Variants in BUB1 observed in about 807,000 individuals in gnomAD.
The protein encoded by BUB1 is BUB1 mitotic checkpoint serine/threonine kinase.
BUB1 carries 84 observed loss-of-function variants against 135.2 expected under a neutral mutation model. The observed-to-expected ratio is 0.62, with a 90% CI of 0.52 to 0.74. The LOEUF (loss-of-function observed/expected upper bound fraction) is 0.74. BUB1 is among the 30% of genes least tolerant of loss of function. The probability of loss-of-function intolerance (pLI) is 0.00; values close to 1 mark genes in which losing one functional copy is unlikely to be tolerated. For missense variants in BUB1, 1,162 were observed against 1,288.3 expected, an observed-to-expected ratio of 0.90 and a Z score of 1.50; for synonymous variants, 403 against 434.4, an observed-to-expected ratio of 0.93 and a Z score of 0.90.
At chr2:110,664,874 C>T (rs535385070) in intron 9 of BUB1, among the ~76,000 whole-genome samples, 1 of 152,254 alleles carries the variant, frequency 6.6e-6, no homozygotes, top group African/African-American at 2.4e-5. Context: ...TCCAAATCTA[C>T]CTATAATTAA....
intron 3 of BUB1, 131 bp downstream of exon 3, chr2:110,673,955 A>C: frequency 1.3e-6 from 1 of 769,448 alleles, no homozygotes. Flanking sequence ...GAGAATGAAC[A>C]GATTTTCCTC....
intron 19 of BUB1, among the ~76,000 whole-genome samples, chr2:110,647,172 C>T (rs780601872): frequency 5.3e-5 from 8 of 152,144 alleles, no homozygotes; most frequent in Non-Finnish European, 8.8e-5. Flanking sequence ...GGGAATACTT[C>T]CTATCTCATC....
At chr2:110,658,360 G>A in intron 13 of BUB1, 50 bp downstream of exon 13, 2 of 1,436,290 alleles carry the variant, frequency 1.4e-6, no homozygotes, top group Non-Finnish European at 1.9e-6. Context: ...TATTTTCTGT[G>A]ATAACCACCT....
At chr2:110,651,401 T>G (rs1380462961) in intron 17 of BUB1, among the ~76,000 whole-genome samples, 1 of 152,136 alleles carries the variant, frequency 6.6e-6, no homozygotes, top group Non-Finnish European at 1.5e-5. Context: ...AAAAAAAAAT[T>G]TTTTTAATGC....
At chr2:110,653,218 C>G (rs573189939) in intron 17 of BUB1, among the ~76,000 whole-genome samples, 1 of 152,144 alleles carries the variant, frequency 6.6e-6, no homozygotes, top group Non-Finnish European at 1.5e-5. Flanking sequence ...CATCAAGCAC[C>G]GGCCTGATGT....
In BUB1 at chr2:110,658,417, CTG is replaced by C. The variant is rs1333377859; in HGVS notation, c.1507_1508del (p.Gln503ValfsTer15). The C allele has an allele frequency of 1.3e-5, 21 of 1,610,550 alleles. No individual in the cohort carries two copies. The highest frequency in any genetic ancestry group is 1.6e-5 in the Non-Finnish European group (19 of 1,177,654). ...CTTTTAAATAGTTATTACTTTGAAA[CTG>C]GGCTTCAAATGCATCTTCATTTTGA... ...LDQNEDAFEA[Q>X]FQKNVRSSGA... On this transcript the variant is annotated frameshift_variant, in exon 13 of 25. Coordinates refer to ENST00000302759, the MANE Select transcript of BUB1 (RefSeq NM_004336.5). LOFTEE classifies it high-confidence loss of function.
intron 1 of BUB1, among the ~76,000 whole-genome samples, chr2:110,677,029 C>T (rs1319569215): frequency 6.6e-6 from 1 of 152,114 alleles, no homozygotes; most frequent in Admixed American, 6.5e-5. Context: ...AGTAGGCTCG[C>T]CCAAGGTAAA....
In BUB1 at chr2:110,637,974, G is replaced by T; in HGVS notation, c.3248C>A (p.Ser1083Ter). 1 of 1,487,152 alleles carries T rather than the reference G, an allele frequency of 6.7e-7. No individual in the cohort carries two copies. Among genetic ancestry groups the T allele is most frequent in the Non-Finnish European group, 9.0e-7 (1 of 1,113,970 alleles). 92.1% of individuals were successfully genotyped at this position (1,487,152 alleles called of 1,614,324 possible). A position where few individuals can be genotyped will look rare whatever the true frequency, so the allele number is the denominator to read the frequency against. ...LIVLLLECKR[S>*]RK The stretch of plus-strand genomic sequence containing the variant: ...GTCTATATCCAAATTTTATTTTCGT[G>T]AACGCTTACATTCTAAGAGCAGTAC... Residue 1083 changes from serine to a stop codon, truncating the protein, a stop_gained, in exon 25 of 25, where the codon TCA becomes TAA. Transcript: ENST00000302759. LOFTEE classifies it high-confidence loss of function.
At chr2:110,662,807 A>G (rs911418254) in intron 9 of BUB1, among the ~76,000 whole-genome samples, 5 of 152,172 alleles carry the variant, frequency 3.3e-5, no homozygotes, top group Admixed American at 1.3e-4. Flanking sequence ...GCCTCAAAAC[A>G]CAAACAAACA....
chr2:110,641,380 T>C lies in BUB1; in HGVS notation c.2710A>G (p.Met904Val), dbSNP rs1402332194. The change falls in exon 22 of 25, where the codon ATG (methionine) becomes GTG (valine). Residue 904 changes from methionine to valine, a missense_variant. Transcript: ENST00000302759. ...VISFAMRMLYMIEQVHDCEII... is the reference protein window; with the variant it reads ...VISFAMRMLYVIEQVHDCEII... ...TCACAGTCATGCACTTGCTCAATCA[T>C]GTAAAGCATTCTCATAGCAAAAGAG... is the stretch of plus-strand genomic sequence containing the variant. 7 of 1,613,998 alleles carry C rather than the reference T, an allele frequency of 4.3e-6. No individual in the cohort carries two copies. Among genetic ancestry groups the C allele is most frequent in the Non-Finnish European group, 5.9e-6 (7 of 1,180,018 alleles).
At chr2:110,673,969 G>A (rs967455095) in intron 3 of BUB1, 117 bp downstream of exon 3, 5 of 849,074 alleles carry the variant, frequency 5.9e-6, no homozygotes, top group Non-Finnish European at 8.9e-6. Context: ...TTTCCTCTCT[G>A]TATCTTCAGA....
Position 110,658,463 on chromosome 2 carries a change from T to A in BUB1, c.1463A>T (p.Asp488Val), listed in dbSNP as rs1230784384. 6.2e-7 allele frequency: 1 copy of A among 1,614,122 alleles called. No individual in the cohort carries two copies. Among genetic ancestry groups the A allele is most frequent in the Non-Finnish European group, 8.5e-7 (1 of 1,180,000 alleles). ...ATTTTGATCTAGAGATTGCCATTCATCTTTGTCATCAGAAATATCAGGAAG... is the reference window on the plus strand; with the variant it reads ...ATTTTGATCTAGAGATTGCCATTCAACTTTGTCATCAGAAATATCAGGAAG... ...PTLPDISDDKDEWQSLDQNED... is the reference protein window; with the variant it reads ...PTLPDISDDKVEWQSLDQNED... The change falls in exon 13 of 25, where the codon GAT (aspartate) becomes GTT (valine). Residue 488 changes from aspartate to valine, a missense_variant. Transcript: ENST00000302759.
chr2:110,666,624 TA>T lies in BUB1; in HGVS notation c.806-211del, dbSNP rs398060452. ...TACATGTTTAGGACATGTAAATTAC[TA>T]AAAAAAAAAAAAAACTACATGCTGA... On this transcript the variant is annotated intron_variant, in intron 8 of 24. Coordinates refer to ENST00000302759, the MANE Select transcript of BUB1 (RefSeq NM_004336.5). 7.4e-3 allele frequency among the ~76,000 whole-genome samples: 898 copies of T among 120,752 alleles called. 23 individuals are homozygous for T. Among genetic ancestry groups the T allele is most frequent in the Admixed American group, 0.047 (566 of 12,030 alleles). 79.2% of individuals were successfully genotyped at this position (120,752 alleles called of 152,430 possible).
chr2:110,639,343 C>G (rs1689438538), intron 24 of BUB1, among the ~76,000 whole-genome samples: 1 of 150,264 alleles, frequency 6.7e-6, no homozygotes, highest in African/African-American at 2.5e-5. Flanking sequence ...ACACTATTTC[C>G]TTCGCTTCTT....
intron 5 of BUB1, among the ~76,000 whole-genome samples, chr2:110,670,131 T>G (rs925299030): frequency 2.1e-5 from 3 of 140,002 alleles, no homozygotes; most frequent in Non-Finnish European, 4.7e-5. Context: ...GATGGGTTTT[T>G]TTTTTTTTTT....
Position 110,653,302 on chromosome 2 carries a change from A to C in BUB1, c.1964+134T>G, listed in dbSNP as rs1689831813. 3 of 825,356 alleles carry C rather than the reference A, an allele frequency of 3.6e-6. No homozygotes were observed. In the East Asian group the frequency reaches 8.0e-5, roughly 22 times the overall value. 51.1% of individuals were successfully genotyped at this position (825,356 alleles called of 1,614,324 possible). ...TCTGACTTAAAGCTACTAGTCCATAAAATCTTTATTGGCCTTTAAGGCTAA... is the reference window on the plus strand; with the variant it reads ...TCTGACTTAAAGCTACTAGTCCATACAATCTTTATTGGCCTTTAAGGCTAA... On this transcript the variant is annotated intron_variant, in intron 17 of 24. Transcript: ENST00000302759.
chr2:110,638,125 G>C lies in BUB1; in HGVS notation c.3097C>G (p.His1033Asp), dbSNP rs1417718503. 7 of 1,597,440 alleles carry C rather than the reference G, an allele frequency of 4.4e-6. No homozygotes were observed. Among genetic ancestry groups the C allele is most frequent in the African/African-American group, 1.4e-5 (1 of 73,924 alleles). Reference sequence around the variant, plus strand: ...CAATCTGGAATATTCAACATAACATGAAAAAATTCATTCCACATATCCAAA... The same window carrying C: ...CAATCTGGAATATTCAACATAACATCAAAAAATTCATTCCACATATCCAAA... ...PHLDMWNEFFHVMLNIPDCHH... is the reference protein window; with the variant it reads ...PHLDMWNEFFDVMLNIPDCHH... The change falls in exon 25 of 25, where the codon CAT becomes GAT. Residue 1033 changes from histidine (H) to aspartate (D), a missense_variant. His to Asp is a moderately conservative substitution (Grantham distance 81). Transcript: ENST00000302759.
chr2:110,645,965 A>AACTAAT (rs1376468688), intron 19 of BUB1, among the ~76,000 whole-genome samples: 1 of 152,060 alleles, frequency 6.6e-6, no homozygotes, highest in Non-Finnish European at 1.5e-5. Flanking sequence ...AGTTACCGAA[A>AACTAAT]ACTAATACAA....
intron 9 of BUB1, 146 bp downstream of exon 9, chr2:110,666,117 G>T (rs149960327): frequency 1.3e-6 from 1 of 767,588 alleles, no homozygotes; most frequent in Admixed American, 4.3e-5. Flanking sequence ...CATTGTGAAC[G>T]TCTATGTCAA....
Sources: allele counts gnomAD v4.1 joint callset (sites outside exome capture counted in the v4.1 genomes callset), GRCh38; gene constraint gnomAD v4.1.1; transcripts MANE v1.5; gene names NCBI Gene and HGNC (gene_info 2026-07-23, HGNC 2026-07-21).